The following DGKD variants were observed in gnomAD, a reference collection of about 807,000 sequenced individuals.
The protein encoded by DGKD is diacylglycerol kinase delta.
Under a neutral mutation model 154.4 loss-of-function variants are expected in DGKD, and 68 were observed. The observed-to-expected ratio is 0.44, with a 90% confidence interval of 0.36 to 0.54. The LOEUF (loss-of-function observed/expected upper bound fraction) is 0.54. Ranked by LOEUF, DGKD falls within the 20% of genes least tolerant of loss-of-function variation. DGKD has a pLI of 0.00. For synonymous variants in DGKD, 693 were observed against 638.0 expected, an observed-to-expected ratio of 1.09 and a Z score of -1.30; for missense variants, 1,343 against 1,593.6, an observed-to-expected ratio of 0.84 and a Z score of 2.68.
intron 19 of DGKD, among the ~76,000 whole-genome samples, chr2:233,455,176 G>C (rs970946253): frequency 6.6e-6 from 1 of 152,214 alleles, no homozygotes; most frequent in Non-Finnish European, 1.5e-5. Context: ...AAAGCGGCAG[G>C]TGTGCCAAGA....
Position 233,462,656 on chromosome 2 carries a change from G to C in DGKD, c.3107G>C (p.Ser1036Thr), listed in dbSNP as rs759291351. ...KPRTTEGLNC[S>T]FVLEMVNNFR... ...GGTTTCTTCTAGGGGCTCAACTGCA[G>C]CTTCGTCCTGGAAATGGTGAATAAC... Residue 1036 changes from serine (S) to threonine (T), a missense_variant, in exon 26 of 30, where the codon AGC (serine) becomes ACC (threonine). By Grantham distance (58) the Ser-to-Thr change is moderately conservative. Around this residue, in one of 6 missense-constraint regions of DGKD, gnomAD observed 429 missense variants for 496.3 expected, o/e 0.86. Coordinates refer to ENST00000264057, the MANE Select transcript of DGKD (RefSeq NM_152879.3). 2 of 1,614,136 alleles carry C rather than the reference G, an allele frequency of 1.2e-6. No individual in the cohort carries two copies. The highest frequency in any genetic ancestry group is 2.2e-5 in the South Asian group (2 of 91,090).
chr2:233,398,786 G>A (rs560305124), intron 3 of DGKD, among the ~76,000 whole-genome samples: 47 of 152,158 alleles, frequency 3.1e-4, no homozygotes, highest in African/African-American at 1.1e-3. Context: ...CACCACACCC[G>A]GCTAATTTTT....
At chr2:233,408,656 C>A (rs1183060187) in intron 3 of DGKD, among the ~76,000 whole-genome samples, 3 of 152,200 alleles carry the variant, frequency 2.0e-5, no homozygotes, top group Non-Finnish European at 4.4e-5. Flanking sequence ...TCCCATCTGC[C>A]AATGAGGGTG....
chr2:233,444,172 C>T (rs981285516), intron 10 of DGKD, among the ~76,000 whole-genome samples: 2 of 152,150 alleles, frequency 1.3e-5, no homozygotes, highest in South Asian at 4.1e-4. Context: ...GTTCAGCCCC[C>T]ACCCTGCGTT....
chr2:233,381,740 T>C (rs1359336244), intron 1 of DGKD, among the ~76,000 whole-genome samples: 1 of 152,206 alleles, frequency 6.6e-6, no homozygotes, highest in Non-Finnish European at 1.5e-5. Context: ...CAGATGAAGC[T>C]TTAGAGATAG....
In DGKD at chr2:233,403,269, G is replaced by A. The variant is rs1018043924; in HGVS notation, c.348+12786G>A. Among the ~76,000 whole-genome samples, 21 of 152,140 alleles carry A rather than the reference G, an allele frequency of 1.4e-4. 1 individual carries two copies. Among genetic ancestry groups the A allele is most frequent in the Admixed American group, 7.9e-4 (12 of 15,266 alleles). ...GATTTTAAAGGAAATTTAAAATAGG[G>A]AGAAAATGGGCTGGGTGTGATGGCT... On this transcript the variant is annotated intron_variant, in intron 3 of 29. Transcript: ENST00000264057.
intron 26 of DGKD, 83 bp downstream of exon 26, chr2:233,462,818 GCA>G: frequency 8.2e-7 from 1 of 1,221,894 alleles, no homozygotes; most frequent in Non-Finnish European, 1.2e-6. Flanking sequence ...ACACAGGGCA[GCA>G]CACTTTAGTC....
At chr2:233,436,937 A>C (rs1037559252) in intron 7 of DGKD, among the ~76,000 whole-genome samples, 1 of 152,164 alleles carries the variant, frequency 6.6e-6, no homozygotes, top group Non-Finnish European at 1.5e-5. Context: ...GGGAGCCTCC[A>C]TGTACTTGCT....
chr2:233,393,280 A>G (rs1312471917), intron 3 of DGKD, among the ~76,000 whole-genome samples: 1 of 149,222 alleles, frequency 6.7e-6, no homozygotes, highest in Non-Finnish European at 1.5e-5. Flanking sequence ...TGCCTGCCTC[A>G]GCTTCCCAAA....
At chr2:233,384,447 C>G (rs960046249) in intron 1 of DGKD, among the ~76,000 whole-genome samples, 1 of 152,126 alleles carries the variant, frequency 6.6e-6, no homozygotes, top group Non-Finnish European at 1.5e-5. Flanking sequence ...GGCAAGGCAT[C>G]TCCTGTGTTA....
chr2:233,433,574 C>CA (rs2062599929), intron 3 of DGKD, among the ~76,000 whole-genome samples: 1 of 152,020 alleles, frequency 6.6e-6, no homozygotes, highest in Non-Finnish European at 1.5e-5. Flanking sequence ...AAAAATAACT[C>CA]AGAGTATACT....
intron 24 of DGKD, 83 bp from the exon 25 acceptor site, chr2:233,462,265 C>T (rs2063669661): frequency 1.7e-6 from 2 of 1,146,504 alleles, no homozygotes; most frequent in Non-Finnish European, 2.5e-6. Flanking sequence ...CCAGGTGGTA[C>T]CTGGGCCGTG....
At chr2:233,381,137 G>A (rs1702882469) in intron 1 of DGKD, among the ~76,000 whole-genome samples, 1 of 152,242 alleles carries the variant, frequency 6.6e-6, no homozygotes, top group African/African-American at 2.4e-5. Context: ...GGATTCTGCA[G>A]TGCGGCAGTT....
intron 1 of DGKD, among the ~76,000 whole-genome samples, chr2:233,383,528 T>C (rs1644968362): frequency 6.6e-6 from 1 of 152,234 alleles, no homozygotes; most frequent in Non-Finnish European, 1.5e-5. Context: ...TTTTTTTCTA[T>C]TACATTTAAG....
rs953328987 is a variant in DGKD, at chr2:233,444,665, C to T, written c.1195-958C>T. On this transcript the variant is annotated intron_variant, in intron 10 of 29. Transcript: ENST00000264057. The stretch of plus-strand genomic sequence containing the variant: ...TTCTCTCCATCTAGTGTGTCGGCTC[C>T]GGTGTCCTGGCCTGCTCGCTCCTGC... Among the ~76,000 whole-genome samples the T allele has an allele frequency of 4.1e-5, 6 of 146,962 alleles. No homozygotes were observed. The East Asian group carries it at 6.1e-4, about 15-fold the overall frequency.
At chr2:233,412,975 CAATTTGCCATT>C (rs1000061251) in intron 3 of DGKD, among the ~76,000 whole-genome samples, 1 of 152,098 alleles carries the variant, frequency 6.6e-6, no homozygotes, top group Non-Finnish European at 1.5e-5. Flanking sequence ...TTGTTGGATT[CAATTTGCCATT>C]ATTTTGTTAA....
In DGKD at chr2:233,441,541, G is replaced by C. The variant is rs1247409062; in HGVS notation, c.1086-346G>C. On this transcript the variant is annotated intron_variant, in intron 9 of 29. Coordinates refer to ENST00000264057, the MANE Select transcript of DGKD (RefSeq NM_152879.3). The surrounding 1 kb of genome is among the most constrained non-coding windows in gnomAD (Gnocchi z 5.6). ...GTGGGCTCACATGGTTAGGGGCCAC[G>C]GCAGGCTGTGCCCGTGAGCCTGGCA... is the stretch of plus-strand genomic sequence containing the variant. 6.6e-6 allele frequency among the ~76,000 whole-genome samples: 1 copy of C among 152,178 alleles called. No individual in the cohort carries two copies. The highest frequency in any genetic ancestry group is 1.5e-5 in the Non-Finnish European group (1 of 68,018).
chr2:233,406,090 A>C (rs538087609), intron 3 of DGKD, among the ~76,000 whole-genome samples: 1 of 152,188 alleles, frequency 6.6e-6, no homozygotes, highest in Non-Finnish European at 1.5e-5. Context: ...TGGTAATTCC[A>C]GGCATTCCCT....
intron 3 of DGKD, among the ~76,000 whole-genome samples, chr2:233,401,322 C>T (rs2061553032): frequency 2.0e-5 from 3 of 152,184 alleles, no homozygotes; most frequent in Admixed American, 1.3e-4. Context: ...AGTGAATGAA[C>T]TGAAAGCAAT....
Sources: gnomAD v4.1 joint callset for allele counts (sites outside exome capture counted in the v4.1 genomes callset) on GRCh38, gnomAD v4.1.1 for gene constraint, gnomAD v4.1.1 regional missense constraint, Gnocchi (gnomAD v3.1) non-coding constraint, MANE v1.5 for transcripts, NCBI Gene and HGNC (gene_info 2026-07-23, HGNC 2026-07-21) for gene names.